SVOP: variants seen among roughly 807,000 people sequenced by gnomAD.
SVOP encodes SV2 related protein.
A neutral mutation model predicts 69.1 loss-of-function variants in SVOP; 17 were observed. The ratio of observed to expected loss-of-function variants is 0.25; its 90% CI spans 0.17 to 0.37. The LOEUF is 0.37. SVOP is among the 10% of genes least tolerant of loss of function. SVOP has a pLI of 1.00. For synonymous variants in SVOP, 238 were observed against 238.6 expected (o/e 1.00, Z 0.02); for missense variants, 435 against 597.5 (o/e 0.73, Z 2.84).
intron 6 of SVOP, among the ~76,000 whole-genome samples, chr12:108,953,452 T>G (rs376960659): frequency 2.0e-5 from 3 of 152,278 alleles, no homozygotes; most frequent in South Asian, 2.1e-4. Context: ...CGGCCCTAAT[T>G]GACATTTATA....
At chr12:109,005,964 G>A (rs931670652) in intron 1 of SVOP, among the ~76,000 whole-genome samples, 1 of 152,176 alleles carries the variant, frequency 6.6e-6, no homozygotes, top group Non-Finnish European at 1.5e-5. Context: ...CAAGAGGGTG[G>A]AAGATGATCA....
intron 1 of SVOP, among the ~76,000 whole-genome samples, chr12:108,992,688 A>G (rs1371592662): frequency 6.6e-6 from 1 of 152,228 alleles, no homozygotes; most frequent in African/African-American, 2.4e-5. Context: ...TGAAGTGTCC[A>G]GAATTCATGG....
intron 6 of SVOP, among the ~76,000 whole-genome samples, chr12:108,956,198 A>G (rs1272726192): frequency 6.6e-6 from 1 of 150,948 alleles, no homozygotes; most frequent in Non-Finnish European, 1.5e-5. Context: ...GCTACTCGGG[A>G]GGCTGAGGCA....
Position 108,912,622 on chromosome 12 carries a change from G to T in SVOP, c.1560C>A (p.Ser520=). The change falls in exon 16 of 16, where the codon TCC becomes TCA. Residue 520 remains serine (S), a synonymous_variant. Coordinates refer to ENST00000610966, the MANE Select transcript of SVOP (RefSeq NM_018711.5). ...IETKGRGLQE[S]SHREWGQEMV... is the part of the protein sequence containing the mutation. ...TCTCCTGGCCCCACTCCCGGTGGCT[G>T]GACTCCTGCAGTCCTCGGCCTTTGG... The T allele has an allele frequency of 6.2e-7, 1 of 1,613,920 alleles. No individual in the cohort carries two copies. The highest frequency in any genetic ancestry group is 8.5e-7 in the Non-Finnish European group (1 of 1,179,878).
intron 15 of SVOP, among the ~76,000 whole-genome samples, chr12:108,914,947 G>A (rs890047139): frequency 1.3e-5 from 2 of 151,548 alleles, no homozygotes; most frequent in African/African-American, 2.4e-5. Context: ...GGCCGAGGCA[G>A]GCAGATCACA....
Position 109,020,856 on chromosome 12 carries a change from A to G in SVOP, c.13T>C (p.Leu5=). Residue 5 remains leucine (L), a synonymous_variant, in exon 1 of 16, where the codon TTA becomes CTA. Coordinates refer to ENST00000610966, the MANE Select transcript of SVOP (RefSeq NM_018711.5). MEED[L]FQLRQLPVVK... ...CACGGCAGCTGCCTTAGCTGGAATA[A>G]GTCCTCCTCCATGTCCGCGCTGCGC... 1 of 712,104 alleles carries G rather than the reference A, an allele frequency of 1.4e-6. No individual in the cohort carries two copies. The highest frequency in any genetic ancestry group is 2.6e-6 in the Non-Finnish European group (1 of 383,086). The allele number at this position is 712,104 out of a possible 1,614,324, so 44.1% of individuals were successfully genotyped here. A position where few individuals can be genotyped will look rare whatever the true frequency, so the allele number is the denominator to read the frequency against.
chr12:108,991,905 C>T (rs1217961746), intron 1 of SVOP, among the ~76,000 whole-genome samples: 1 of 152,100 alleles, frequency 6.6e-6, no homozygotes, highest in African/African-American at 2.4e-5. Flanking sequence ...ATGATTGCAC[C>T]ACTGCACCTA....
intron 1 of SVOP, among the ~76,000 whole-genome samples, chr12:108,987,644 G>GT (rs1295929338): frequency 6.6e-6 from 1 of 152,158 alleles, no homozygotes; most frequent in Non-Finnish European, 1.5e-5. Context: ...ATCCTAATGG[G>GT]TGTGAGATGG....
chr12:108,978,519 C>T, intron 3 of SVOP, 59 bp downstream of exon 3: 1 of 693,852 alleles, frequency 1.4e-6, no homozygotes, highest in East Asian at 2.7e-5. Context: ...CATGGAAACC[C>T]AGTTGAGCAG....
rs531390626 is a variant in SVOP at position 108,989,212 on chromosome 12, G to A, written c.36-5451C>T. 4.6e-5 allele frequency among the ~76,000 whole-genome samples: 7 copies of A among 152,268 alleles called. No homozygotes were observed. The South Asian group carries it at 1.5e-3, about 32-fold the overall frequency. On this transcript the variant is annotated intron_variant, in intron 1 of 15. Coordinates refer to ENST00000610966, the MANE Select transcript of SVOP (RefSeq NM_018711.5). ...AGCCTCCTGAGTAGCTGGGACTACA[G>A]GCACGCACCACCACCACACCTAGCT...
intron 5 of SVOP, among the ~76,000 whole-genome samples, chr12:108,965,172 A>C (rs1043256091): frequency 6.6e-6 from 1 of 152,230 alleles, no homozygotes; most frequent in African/African-American, 2.4e-5. Context: ...TTCATTAACC[A>C]CTGTCACAAC....
At chr12:108,981,577 T>C (rs1416569603) in intron 2 of SVOP, among the ~76,000 whole-genome samples, 3 of 152,160 alleles carry the variant, frequency 2.0e-5, no homozygotes, top group Admixed American at 6.5e-5. Flanking sequence ...TGAGGCCAGA[T>C]TGCCTGGGCG....
rs1035062993 is a variant in SVOP, at chr12:108,984,862, T to C, written c.36-1101A>G. On this transcript the variant is annotated intron_variant, in intron 1 of 15. Coordinates refer to ENST00000610966, the MANE Select transcript of SVOP (RefSeq NM_018711.5). ...AGATGTGTTCTGACCTCACAGTCTC[T>C]CAAGGGGATAGTGATACCGAATGTG... Among the ~76,000 whole-genome samples, 627 of 152,256 alleles carry C rather than the reference T, an allele frequency of 4.1e-3. 6 individuals carry two copies. The highest frequency in any genetic ancestry group is 0.014 in the African/African-American group (597 of 41,542).
chr12:109,016,489 T>A (rs558154775), intron 1 of SVOP, among the ~76,000 whole-genome samples: 3 of 152,344 alleles, frequency 2.0e-5, no homozygotes, highest in Admixed American at 2.0e-4. Context: ...CTCCCTGTTA[T>A]CCTCAGCAGT....
At chr12:108,933,897 A>G in intron 11 of SVOP, among the ~76,000 whole-genome samples, 1 of 152,038 alleles carries the variant, frequency 6.6e-6, no homozygotes, top group Non-Finnish European at 1.5e-5. Flanking sequence ...TGATTCATAA[A>G]TCGCTGTCCG....
At chr12:108,978,746 CAG>C in intron 2 of SVOP, 83 bp from the exon 3 acceptor site, 2 of 664,836 alleles carry the variant, frequency 3.0e-6, no homozygotes, top group Non-Finnish European at 5.5e-6. Context: ...GGGTGGTCCC[CAG>C]CCAAGCTAAT....
chr12:108,975,709 T>C lies in SVOP; in HGVS notation c.381+1689A>G, dbSNP rs1431591823. ...ACAGACCTGCAGTTATTATTATTAT[T>C]GTTGTTATTTGAGATGGAGTGTCAC... On this transcript the variant is annotated intron_variant, in intron 4 of 15. Coordinates refer to ENST00000610966, the MANE Select transcript of SVOP (RefSeq NM_018711.5). Among the ~76,000 whole-genome samples, 3 of 152,110 alleles carry C rather than the reference T, an allele frequency of 2.0e-5. No homozygotes were observed. In the East Asian group the frequency reaches 5.8e-4, roughly 29 times the overall value.
At chr12:108,953,729 A>T (rs1370105034) in intron 6 of SVOP, among the ~76,000 whole-genome samples, 1 of 152,194 alleles carries the variant, frequency 6.6e-6, no homozygotes, top group East Asian at 1.9e-4. Context: ...ATAGAGTTAC[A>T]GTGGTGGGAA....
At position 108,958,584 on chromosome 12, in the gene SVOP, G is replaced by A. The variant is rs562659017; in HGVS notation, c.578+2339C>T. 5.9e-5 allele frequency among the ~76,000 whole-genome samples: 9 copies of A among 152,168 alleles called. 1 individual carries two copies. The highest frequency in any genetic ancestry group is 2.1e-4 in the South Asian group (1 of 4,812). ...GAACACATCCCCATCATTAAGTGAC[G>A]CATGACTATATTTGAAGCAAGTGGG... On this transcript the variant is annotated intron_variant, in intron 6 of 15. Transcript: ENST00000610966.
Sources: gnomAD v4.1 joint callset for allele counts (sites outside exome capture counted in the v4.1 genomes callset) on GRCh38, gnomAD v4.1.1 for gene constraint, MANE v1.5 for transcripts, NCBI Gene and HGNC (gene_info 2026-07-23, HGNC 2026-07-21) for gene names.